GGT1: variants seen among roughly 807,000 people sequenced by gnomAD.
The protein encoded by GGT1 is glutathione hydrolase 1 proenzyme.
GGT1 carries 21 observed loss-of-function variants against 56.0 expected under a neutral mutation model. That is an observed-to-expected ratio of 0.38 (90% confidence interval 0.27 to 0.54). GGT1 has a LOEUF of 0.54. Among genes scored for constraint, GGT1 ranks in the 20% least tolerant of loss-of-function variants. GGT1 has a pLI of 0.82. For synonymous variants in GGT1, 238 were observed against 342.6 expected (o/e 0.69, Z 3.37); for missense variants, 466 against 787.0 (o/e 0.59, Z 4.88).
upstream of GGT1, chr22:24,590,016 C>A: frequency 8.2e-6 from 12 of 1,470,624 alleles, no homozygotes; most frequent in Middle Eastern, 3.6e-4. Flanking sequence ...CCACCCCAGC[C>A]AGCCAGATGC....
At position 24,620,778 on chromosome 22, in the gene GGT1, G is replaced by A. The variant is rs553911114; in HGVS notation, c.576-135G>A. 7 of 1,457,602 alleles carry A rather than the reference G, an allele frequency of 4.8e-6. No homozygotes were observed. Among genetic ancestry groups the A allele is most frequent in the East Asian group, 2.5e-5 (1 of 40,426 alleles). 90.3% of individuals were successfully genotyped at this position (1,457,602 alleles called of 1,614,324 possible). A position where few individuals can be genotyped will look rare whatever the true frequency, so the allele number is the denominator to read the frequency against. The stretch of plus-strand genomic sequence containing the variant: ...CGGAAGGGACACTAGGAAGACGAGC[G>A]CTGAGTGACAGGGCCACCCACCTGT... On this transcript the variant is annotated intron_variant, in intron 8 of 15. Transcript: ENST00000400382. The surrounding 1 kb of genome is among the most constrained non-coding windows in gnomAD (Gnocchi z 5.6).
upstream of GGT1, among the ~76,000 whole-genome samples, chr22:24,602,013 C>A (rs914186276): frequency 2.6e-5 from 4 of 152,042 alleles, no homozygotes; most frequent in African/African-American, 9.7e-5. Flanking sequence ...GTTACTGGGC[C>A]CGGTGACACA....
chr22:24,606,759 G>A (rs1569050902), intron 1 of GGT1, among the ~76,000 whole-genome samples: 1 of 152,076 alleles, frequency 6.6e-6, no homozygotes, highest in Non-Finnish European at 1.5e-5. Flanking sequence ...CAGGCAGGCA[G>A]CAATATTGGG....
chr22:24,613,847 C>T (rs910893143), intron 5 of GGT1, among the ~76,000 whole-genome samples: 5 of 152,110 alleles, frequency 3.3e-5, no homozygotes, highest in South Asian at 4.2e-4. Flanking sequence ...ACCATGAGTT[C>T]GAGACCAGCT....
intron 5 of GGT1, among the ~76,000 whole-genome samples, chr22:24,614,226 A>G (rs1017911861): frequency 1.8e-4 from 27 of 151,486 alleles, no homozygotes; most frequent in African/African-American, 6.3e-4. Flanking sequence ...GCATGTGCCC[A>G]TAGTCCCAGC....
At chr22:24,624,742 A>G (rs1300417198) in intron 11 of GGT1, 2 of 933,212 alleles carry the variant, frequency 2.1e-6, no homozygotes, top group African/African-American at 3.6e-5. Flanking sequence ...ATCACGGCTT[A>G]TTCCCGAAAG....
upstream of GGT1, among the ~76,000 whole-genome samples, chr22:24,601,466 G>C (rs2045781348): frequency 6.6e-6 from 1 of 152,218 alleles, no homozygotes; most frequent in African/African-American, 2.4e-5. Context: ...TTGCCGAGTG[G>C]CTTTGGGCAG....
At chr22:24,608,201 A>G (rs1368540553) in intron 2 of GGT1, among the ~76,000 whole-genome samples, 178 bp downstream of exon 2, 1 of 152,184 alleles carries the variant, frequency 6.6e-6, no homozygotes, top group Non-Finnish European at 1.5e-5. Context: ...GGGATGGGAA[A>G]TGGAAGCCCA....
intron 11 of GGT1, chr22:24,624,296 C>T: frequency 2.0e-6 from 2 of 979,564 alleles, no homozygotes; most frequent in Non-Finnish European, 2.4e-6. Flanking sequence ...CCTGTCACTC[C>T]AAACTAACGC....
intron 11 of GGT1, among the ~76,000 whole-genome samples, chr22:24,625,235 C>T (rs1470587261): frequency 2.6e-5 from 4 of 152,100 alleles, no homozygotes; most frequent in Non-Finnish European, 5.9e-5. Context: ...AACCTGTTGT[C>T]CCTTCTCTTT....
the GGT1 span, chr22:24,586,333 G>T: frequency 6.2e-7 from 1 of 1,613,976 alleles, no homozygotes; most frequent in African/African-American, 1.3e-5. Context: ...TGTGTTGCAC[G>T]TCCTGTGTCG....
chr22:24,587,629 C>A, the GGT1 span, among the ~76,000 whole-genome samples: 1 of 152,152 alleles, frequency 6.6e-6, no homozygotes, highest in African/African-American at 2.4e-5. Flanking sequence ...GTGTGTGAGG[C>A]TCCATGGATG....
Position 24,605,850 on chromosome 22 carries a change from A to T in GGT1, c.-428-2104A>T, listed in dbSNP as rs187113846. Among the ~76,000 whole-genome samples, 346 of 46,178 alleles carry T rather than the reference A, an allele frequency of 7.5e-3. 3 individuals carry two copies. The highest frequency in any genetic ancestry group is 0.046 in the African/African-American group (247 of 5,414). 30.3% of individuals were successfully genotyped at this position (46,178 alleles called of 152,430 possible). ...TATGATGTGTATTATATATTATATA[A>T]TATATGATGTGTATTATATATTATA... On this transcript the variant is annotated intron_variant, in intron 1 of 15. Coordinates refer to ENST00000400382, the MANE Select transcript of GGT1 (RefSeq NM_001288833.2).
chr22:24,587,860 C>A, the GGT1 span, among the ~76,000 whole-genome samples: 2 of 152,276 alleles, frequency 1.3e-5, no homozygotes, highest in East Asian at 3.9e-4. Flanking sequence ...TCCCCCGCAA[C>A]CTGTTGGGAA....
chr22:24,619,406 A>AAG (rs2047271697), intron 7 of GGT1, among the ~76,000 whole-genome samples: 1 of 142,122 alleles, frequency 7.0e-6, no homozygotes, highest in Admixed American at 7.2e-5. Flanking sequence ...CTCAGAAAAA[A>AAG]AAAAAAAAAA....
intron 1 of GGT1, among the ~76,000 whole-genome samples, chr22:24,596,618 G>T (rs1309981886): frequency 3.3e-5 from 5 of 151,952 alleles, no homozygotes; most frequent in Non-Finnish European, 7.4e-5. Context: ...TAACGCTAGT[G>T]CCTGGGTGCG....
At chr22:24,589,718 C>A in the GGT1 span, 1 of 1,343,816 alleles carries the variant, frequency 7.4e-7, no homozygotes, top group African/African-American at 1.5e-5. Flanking sequence ...GGCCACACAG[C>A]AAGCCGCAGA....
chr22:24,622,574 A>G (rs888305759), intron 9 of GGT1, among the ~76,000 whole-genome samples: 54 of 152,008 alleles, frequency 3.6e-4, no homozygotes, highest in Non-Finnish European at 5.4e-4. Flanking sequence ...AAAAAACAAA[A>G]AAAAAGTAGC....
At chr22:24,616,721 T>G (rs1437725056) in intron 7 of GGT1, among the ~76,000 whole-genome samples, 1 of 151,696 alleles carries the variant, frequency 6.6e-6, no homozygotes, top group African/African-American at 2.4e-5. Flanking sequence ...ATTTTTTGTA[T>G]TTTTTAGTAG....
Sources: allele counts gnomAD v4.1 joint callset (sites outside exome capture counted in the v4.1 genomes callset), GRCh38; gene constraint gnomAD v4.1.1; non-coding constraint Gnocchi (gnomAD v3.1); transcripts MANE v1.5; gene names NCBI Gene and HGNC (gene_info 2026-07-23, HGNC 2026-07-21).